Variants in EEF1AKMT1 observed in about 807,000 individuals in gnomAD.
EEF1AKMT1 encodes the protein N-6 adenine-specific DNA methyltransferase 2 (putative).
EEF1AKMT1 carries 18 observed loss-of-function variants against 21.0 expected under a neutral mutation model. The ratio of observed to expected loss-of-function variants is 0.86; its 90% CI spans 0.59 to 1.27. EEF1AKMT1 has a LOEUF of 1.27. Among genes scored for constraint, EEF1AKMT1 ranks in the 50% most tolerant of loss-of-function variants. The pLI is 0.00. For synonymous variants in EEF1AKMT1, 109 were observed against 94.8 expected, an observed-to-expected ratio of 1.15 and a Z score of -0.87; for missense variants, 246 against 258.6, an observed-to-expected ratio of 0.95 and a Z score of 0.33.
chr13:20,751,473 T>G (rs987255178), intron 2 of EEF1AKMT1, among the ~76,000 whole-genome samples: 6 of 152,198 alleles, frequency 3.9e-5, no homozygotes, highest in Non-Finnish European at 8.8e-5. Flanking sequence ...GCTATAGATA[T>G]GTGGATTAAT....
In EEF1AKMT1 at chr13:20,732,137, AAC is replaced by A. The variant is rs773422744; in HGVS notation, c.228-18_228-17del. 2.5e-4 allele frequency: 402 copies of A among 1,597,898 alleles called. 2 individuals carry two copies. The highest frequency in any genetic ancestry group is 1.1e-3 in the South Asian group (94 of 87,508). ...ACATGCGATTCTAGGAGACAAAATG[AAC>A]ACACCATGAAACATCCTTAACAGAG... On this transcript the variant is annotated splice_polypyrimidine_tract_variant and intron_variant, in intron 3 of 4. Coordinates refer to ENST00000382758, the MANE Select transcript of EEF1AKMT1 (RefSeq NM_001318939.2).
intron 3 of EEF1AKMT1, 115 bp downstream of exon 3, chr13:20,737,608 C>A: frequency 2.3e-6 from 2 of 874,650 alleles, no homozygotes; most frequent in South Asian, 3.4e-5. Context: ...TGCTGCAAAC[C>A]ATGATCTACA....
At chr13:20,751,157 G>A (rs1566534305) in intron 2 of EEF1AKMT1, among the ~76,000 whole-genome samples, 1 of 152,066 alleles carries the variant, frequency 6.6e-6, no homozygotes, top group Admixed American at 6.6e-5. Flanking sequence ...TGTTTCCTTT[G>A]CTGTGTAGAA....
chr13:20,733,785 C>G (rs1341288626), intron 3 of EEF1AKMT1, among the ~76,000 whole-genome samples: 1 of 152,114 alleles, frequency 6.6e-6, no homozygotes, highest in African/African-American at 2.4e-5. Flanking sequence ...ATTCCTTTGT[C>G]ACGTTTGGAT....
At chr13:20,765,244 TGC>T (rs1595030880) in intron 1 of EEF1AKMT1, among the ~76,000 whole-genome samples, 1 of 151,742 alleles carries the variant, frequency 6.6e-6, no homozygotes, top group Non-Finnish European at 1.5e-5. Context: ...CAGGCAACAG[TGC>T]AAGACTCCAA....
chr13:20,769,229 T>C (rs572741528), intron 1 of EEF1AKMT1: 1 of 152,344 alleles, frequency 6.6e-6, no homozygotes, highest in African/African-American at 2.4e-5. Context: ...AAACACAGAA[T>C]AGTTCCAGGA....
At chr13:20,755,337 G>T (rs886850697) in intron 2 of EEF1AKMT1, among the ~76,000 whole-genome samples, 1 of 152,224 alleles carries the variant, frequency 6.6e-6, no homozygotes. Flanking sequence ...CTTTCAAAAT[G>T]GTGCCTTGTG....
At chr13:20,760,546 C>T (rs914757719) in intron 1 of EEF1AKMT1, among the ~76,000 whole-genome samples, 1 of 151,718 alleles carries the variant, frequency 6.6e-6, no homozygotes, top group Non-Finnish European at 1.5e-5. Context: ...AGAGAGGAGC[C>T]GGGAAGAGTG....
chr13:20,752,458 G>T (rs1044636979), intron 2 of EEF1AKMT1, among the ~76,000 whole-genome samples: 2 of 152,052 alleles, frequency 1.3e-5, no homozygotes, highest in African/African-American at 4.8e-5. Context: ...TTGTTGATTT[G>T]CAGGTGTTGA....
chr13:20,758,300 ATAACT>A (rs1418131528), intron 1 of EEF1AKMT1, among the ~76,000 whole-genome samples: 1 of 152,166 alleles, frequency 6.6e-6, no homozygotes, highest in African/African-American at 2.4e-5. Context: ...TTCCAAGATA[ATAACT>A]TAACTCTTTC....
intron 1 of EEF1AKMT1, among the ~76,000 whole-genome samples, chr13:20,766,041 T>C (rs1230575960): frequency 6.6e-6 from 1 of 151,852 alleles, no homozygotes; most frequent in Non-Finnish European, 1.5e-5. Flanking sequence ...GGCTCAAACC[T>C]GTAATCCCAG....
chr13:20,764,234 C>A (rs1476372971), intron 1 of EEF1AKMT1, among the ~76,000 whole-genome samples: 1 of 152,056 alleles, frequency 6.6e-6, no homozygotes, highest in Non-Finnish European at 1.5e-5. Context: ...TAGCAACATC[C>A]CAGCAAATTT....
At chr13:20,730,884 G>A (rs556786959) in intron 4 of EEF1AKMT1, among the ~76,000 whole-genome samples, 18 of 152,218 alleles carry the variant, frequency 1.2e-4, no homozygotes, top group African/African-American at 4.1e-4. Context: ...TTTGTTTTTT[G>A]CTCTTCATAA....
intron 4 of EEF1AKMT1, among the ~76,000 whole-genome samples, chr13:20,730,973 C>G (rs985388948): frequency 6.6e-6 from 1 of 152,224 alleles, no homozygotes; most frequent in Admixed American, 6.5e-5. Context: ...TCTGCCGCTT[C>G]TTTCCTGAAG....
intron 2 of EEF1AKMT1, among the ~76,000 whole-genome samples, chr13:20,740,116 G>A (rs764596706): frequency 7.9e-5 from 12 of 152,262 alleles, no homozygotes; most frequent in African/African-American, 2.2e-4. Context: ...CAAGCACAGC[G>A]CAGGTGGGCC....
chr13:20,736,716 C>G (rs1310487650), intron 3 of EEF1AKMT1, among the ~76,000 whole-genome samples: 1 of 141,780 alleles, frequency 7.1e-6, no homozygotes, highest in Non-Finnish European at 1.5e-5. Flanking sequence ...TACATTAAGC[C>G]TTTTAGAACC....
rs552050066 is a variant in EEF1AKMT1 at position 20,767,199 on chromosome 13, G to A, written c.-20+6722C>T. On this transcript the variant is annotated intron_variant, in intron 1 of 4. Coordinates refer to ENST00000382758, the MANE Select transcript of EEF1AKMT1 (RefSeq NM_001318939.2). Reference sequence around the variant, plus strand: ...CAAGCACCTGTAGTCCCAGCTACTCGGGAGGCTGAGGCAGGAGAATGGCAT... The same window carrying A: ...CAAGCACCTGTAGTCCCAGCTACTCAGGAGGCTGAGGCAGGAGAATGGCAT... 4.6e-5 allele frequency among the ~76,000 whole-genome samples: 7 copies of A among 150,728 alleles called. No individual in the cohort carries two copies. The South Asian group carries it at 1.5e-3, about 32-fold the overall frequency.
chr13:20,737,197 C>T (rs1481242766), intron 3 of EEF1AKMT1, among the ~76,000 whole-genome samples: 2 of 151,982 alleles, frequency 1.3e-5, no homozygotes, highest in Admixed American at 6.6e-5. Flanking sequence ...AATCCCATCT[C>T]TACTAAAAAT....
rs369283175 is a variant in EEF1AKMT1, at chr13:20,731,867, G to C, written c.482C>G (p.Thr161Arg). Reference sequence around the variant, plus strand: ...TGTGCACAGCAGAATCTTGCCCCGCGTCAGGTACTTGACGGTTTCCGATGT... The same window carrying C: ...TGTGCACAGCAGAATCTTGCCCCGCCTCAGGTACTTGACGGTTTCCGATGT... Reference protein sequence around the residue: ...RKTSETVKYLTRGKILLCTGA... With the variant: ...RKTSETVKYLRRGKILLCTGA... Residue 161 changes from threonine to arginine, a missense_variant, in exon 4 of 5, where the codon ACG (threonine) becomes AGG (arginine). Thr to Arg is a moderately conservative substitution (Grantham distance 71). Coordinates refer to ENST00000382758, the MANE Select transcript of EEF1AKMT1 (RefSeq NM_001318939.2). 2.5e-6 allele frequency: 4 copies of C among 1,613,824 alleles called. No homozygotes were observed. The African/African-American group carries it at 4.0e-5, about 16-fold the overall frequency.
Sources: gnomAD v4.1 joint callset for allele counts (sites outside exome capture counted in the v4.1 genomes callset) on GRCh38, gnomAD v4.1.1 for gene constraint, MANE v1.5 for transcripts, NCBI Gene and HGNC (gene_info 2026-07-23, HGNC 2026-07-21) for gene names.